The following ZMYND11 variants were observed in gnomAD, a reference collection of about 807,000 sequenced individuals.
The protein encoded by ZMYND11 is zinc finger MYND domain-containing protein 11.
In ZMYND11, 9 loss-of-function variants were observed where a neutral mutation model predicts 84.9. The observed-to-expected ratio is 0.11, with a 90% CI of 0.06 to 0.18. The LOEUF is 0.18. Ranked by LOEUF, ZMYND11 falls within the 10% of genes least tolerant of loss-of-function variation. The pLI is 1.00. For missense variants in ZMYND11, 409 were observed against 761.0 expected, an observed-to-expected ratio of 0.54 and a Z score of 5.44; for synonymous variants, 250 against 244.1, an observed-to-expected ratio of 1.02 and a Z score of -0.23.
At chr10:156,153 T>A (rs1554758857) in intron 1 of ZMYND11, among the ~76,000 whole-genome samples, 1 of 152,204 alleles carries the variant, frequency 6.6e-6, no homozygotes, top group East Asian at 1.9e-4. Context: ...CCAGGGATGC[T>A]GCTGAACATC....
At chr10:169,850 G>T (rs1844872983) in intron 1 of ZMYND11, among the ~76,000 whole-genome samples, 1 of 152,092 alleles carries the variant, frequency 6.6e-6, no homozygotes, top group African/African-American at 2.4e-5. Context: ...TACCAGAAGG[G>T]AAGAAGGAGC....
chr10:200,151 G>A (rs1942788845), intron 2 of ZMYND11, among the ~76,000 whole-genome samples: 2 of 148,342 alleles, frequency 1.3e-5, no homozygotes, highest in South Asian at 4.3e-4. Flanking sequence ...GGGAGGGAAG[G>A]GTTCAAGTTA....
At chr10:225,168 A>G (rs1947884480) in intron 4 of ZMYND11, among the ~76,000 whole-genome samples, 1 of 152,232 alleles carries the variant, frequency 6.6e-6, no homozygotes, top group South Asian at 2.1e-4. Context: ...CTTTGGTAGG[A>G]TAAGTTTATT....
At chr10:199,466 T>C (rs1316377754) in intron 2 of ZMYND11, among the ~76,000 whole-genome samples, 1 of 152,204 alleles carries the variant, frequency 6.6e-6, no homozygotes, top group Non-Finnish European at 1.5e-5. Context: ...GGAGACAGTG[T>C]CGCCTAGGCA....
chr10:222,211 C>G (rs1013208570), intron 4 of ZMYND11, among the ~76,000 whole-genome samples: 2 of 151,826 alleles, frequency 1.3e-5, no homozygotes, highest in African/African-American at 4.8e-5. Flanking sequence ...TTTGCTTTTT[C>G]AAAAAACATT....
intron 2 of ZMYND11, among the ~76,000 whole-genome samples, chr10:184,984 T>A (rs1937796157): frequency 6.6e-6 from 1 of 152,198 alleles, no homozygotes; most frequent in South Asian, 2.1e-4. Context: ...TTCGTAGCCT[T>A]TCTCTGTAAT....
At chr10:196,327 C>G (rs1941737340) in intron 2 of ZMYND11, among the ~76,000 whole-genome samples, 1 of 152,094 alleles carries the variant, frequency 6.6e-6, no homozygotes, top group Non-Finnish European at 1.5e-5. Flanking sequence ...TCAGTGTTAT[C>G]AAGAGGAATT....
chr10:248,891 T>C lies in ZMYND11; in HGVS notation c.1501-12T>C. ...GTGTGCTGACGCACTGTGGGTTGTC[T>C]TTTCATTCCAGCTGCGTTCTGAAAT... On this transcript the variant is annotated splice_polypyrimidine_tract_variant and intron_variant, in intron 13 of 14. Transcript: ENST00000381604. 1 of 1,599,206 alleles carries C rather than the reference T, an allele frequency of 6.3e-7. No homozygotes were observed. The highest frequency in any genetic ancestry group is 8.5e-7 in the Non-Finnish European group (1 of 1,172,288).
intron 11 of ZMYND11, 133 bp downstream of exon 11, chr10:247,106 C>G: frequency 1.0e-6 from 1 of 969,072 alleles, no homozygotes; most frequent in Non-Finnish European, 1.5e-6. Context: ...AAGTGCTCTG[C>G]AAAACTAAAC....
At chr10:163,622 A>G (rs565619855) in intron 1 of ZMYND11, among the ~76,000 whole-genome samples, 9 of 152,222 alleles carry the variant, frequency 5.9e-5, no homozygotes, top group African/African-American at 2.2e-4. Context: ...AATTACATAT[A>G]TTTTAAAAAT....
chr10:200,358 G>A (rs1942900441), intron 2 of ZMYND11, among the ~76,000 whole-genome samples: 1 of 141,556 alleles, frequency 7.1e-6, no homozygotes, highest in African/African-American at 2.7e-5. Context: ...ACATATATGT[G>A]TATATATGTG....
intron 1 of ZMYND11, among the ~76,000 whole-genome samples, chr10:155,873 T>C (rs554308266): frequency 3.9e-5 from 6 of 152,318 alleles, no homozygotes; most frequent in South Asian, 2.1e-4. Context: ...CATTTTGGTG[T>C]ACAAGAGACT....
intron 1 of ZMYND11, among the ~76,000 whole-genome samples, chr10:157,141 G>A (rs1005668550): frequency 6.6e-6 from 1 of 152,194 alleles, no homozygotes; most frequent in African/African-American, 2.4e-5. Context: ...ATGTTAAATT[G>A]TAGCATAAAA....
intron 10 of ZMYND11, among the ~76,000 whole-genome samples, chr10:243,324 A>G (rs945389064): frequency 6.6e-6 from 1 of 152,244 alleles, no homozygotes; most frequent in Non-Finnish European, 1.5e-5. Flanking sequence ...ATAACGGGGG[A>G]AAGTTTGCTT....
intron 4 of ZMYND11, among the ~76,000 whole-genome samples, chr10:227,173 G>A (rs1948279050): frequency 6.6e-6 from 1 of 152,146 alleles, no homozygotes; most frequent in Non-Finnish European, 1.5e-5. Flanking sequence ...AATCCAAAAA[G>A]CTCTCCCGAA....
At chr10:142,681 C>T (rs1162293466) in intron 1 of ZMYND11, among the ~76,000 whole-genome samples, 1 of 152,182 alleles carries the variant, frequency 6.6e-6, no homozygotes, top group Non-Finnish European at 1.5e-5. Flanking sequence ...TTTCCCAATG[C>T]ACTTTTATAA....
chr10:212,386 C>G (rs1270103960), intron 3 of ZMYND11, among the ~76,000 whole-genome samples: 1 of 151,854 alleles, frequency 6.6e-6, no homozygotes, highest in Non-Finnish European at 1.5e-5. Context: ...TTCTTTCTTG[C>G]AAACATTTTT....
intron 14 of ZMYND11, among the ~76,000 whole-genome samples, chr10:251,336 C>T (rs1953449687): frequency 6.6e-6 from 1 of 152,172 alleles, no homozygotes; most frequent in Non-Finnish European, 1.5e-5. Context: ...CACGCCTCAT[C>T]CAAGCCGTTT....
intron 1 of ZMYND11, among the ~76,000 whole-genome samples, chr10:139,955 C>T (rs1837117603): frequency 6.6e-6 from 1 of 152,126 alleles, no homozygotes; most frequent in South Asian, 2.1e-4. Flanking sequence ...ATCTGCCCAT[C>T]TTGGCCTCCC....
Sources: gnomAD v4.1 joint callset for allele counts (sites outside exome capture counted in the v4.1 genomes callset) on GRCh38, gnomAD v4.1.1 for gene constraint, MANE v1.5 for transcripts, NCBI Gene and HGNC (gene_info 2026-07-23, HGNC 2026-07-21) for gene names.